The following UBASH3A variants were observed in gnomAD, a reference collection of about 807,000 sequenced individuals.
UBASH3A encodes ubiquitin-associated and SH3 domain-containing protein A.
UBASH3A carries 63 observed loss-of-function variants against 73.5 expected under a neutral mutation model. That is an observed-to-expected ratio of 0.86 (90% CI 0.70 to 1.06). The LOEUF (loss-of-function observed/expected upper bound fraction) is 1.06. Among genes scored for constraint, UBASH3A ranks in the 50% least tolerant of loss-of-function variants. UBASH3A has a pLI of 0.00. For synonymous variants in UBASH3A, 363 were observed against 351.1 expected (o/e 1.03, Z -0.38); for missense variants, 860 against 859.0 (o/e 1.00, Z -0.02).
At chr21:42,408,947 A>G (rs987140003) in intron 2 of UBASH3A, among the ~76,000 whole-genome samples, 1 of 149,768 alleles carries the variant, frequency 6.7e-6, no homozygotes, top group African/African-American at 2.4e-5. Context: ...ATAAAATAAA[A>G]TAAAAACTGT....
rs367938993 is a variant in UBASH3A at position 42,421,705 on chromosome 21, G to C, written c.1046+3096G>C. Reference sequence around the variant, plus strand: ...AAAATTGTGACGTTTTATTTGAGTAGTCATTAAAAGCTGCTTAAAAATTGT... The same window carrying C: ...AAAATTGTGACGTTTTATTTGAGTACTCATTAAAAGCTGCTTAAAAATTGT... On this transcript the variant is annotated intron_variant, in intron 7 of 14. Transcript: ENST00000319294. 2.0e-5 allele frequency among the ~76,000 whole-genome samples: 3 copies of C among 152,316 alleles called. 1 individual carries two copies. The highest frequency in any genetic ancestry group is 1.9e-4 in the East Asian group (1 of 5,188).
intron 2 of UBASH3A, among the ~76,000 whole-genome samples, chr21:42,408,625 A>C (rs2053025317): frequency 6.6e-6 from 1 of 152,120 alleles, no homozygotes; most frequent in African/African-American, 2.4e-5. Context: ...TTATTGAAAA[A>C]ATCTTTGTGA....
At chr21:42,441,158 C>T (rs557959869) in intron 11 of UBASH3A, among the ~76,000 whole-genome samples, 2 of 152,272 alleles carry the variant, frequency 1.3e-5, no homozygotes, top group East Asian at 3.9e-4. Context: ...GTCTTCTTTA[C>T]AAGGCCTCAG....
intron 11 of UBASH3A, among the ~76,000 whole-genome samples, chr21:42,439,653 CCA>C (rs2053693793): frequency 6.6e-6 from 1 of 150,948 alleles, no homozygotes; most frequent in Non-Finnish European, 1.5e-5. Context: ...GCACACACAT[CCA>C]CACACACCAC....
chr21:42,444,468 A>AC, intron 13 of UBASH3A, 66 bp from the exon 14 acceptor site: 1 of 1,222,356 alleles, frequency 8.2e-7, no homozygotes, highest in East Asian at 2.3e-5. Flanking sequence ...CACTTTGGGG[A>AC]CCCCAGTCTA....
Position 42,426,725 on chromosome 21 carries a change from C to T in UBASH3A, c.1075C>T (p.Leu359=), listed in dbSNP as rs1336348370. Residue 359 remains leucine (L), a synonymous_variant, in exon 8 of 15, where the codon CTG becomes TTG. Transcript: ENST00000319294. ...GTACACCTTCAGTCTAGCCACAGAC[C>T]TGAACTCCAGAAAGGATGGTGAAGC... is the stretch of plus-strand genomic sequence containing the variant. The part of the protein sequence containing the change: ...RMYTFSLATD[L]NSRKDGEASS... 2 of 1,614,066 alleles carry T rather than the reference C, an allele frequency of 1.2e-6. No individual in the cohort carries two copies. The highest frequency in any genetic ancestry group is 1.7e-5 in the Admixed American group (1 of 60,022).
At chr21:42,441,752 C>T (rs1044290611) in intron 11 of UBASH3A, among the ~76,000 whole-genome samples, 4 of 152,164 alleles carry the variant, frequency 2.6e-5, no homozygotes, top group Non-Finnish European at 4.4e-5. Context: ...TCTAAGCATG[C>T]TTGATGAAAG....
At chr21:42,434,431 A>G (rs140427248) in intron 9 of UBASH3A, among the ~76,000 whole-genome samples, 165 of 152,358 alleles carry the variant, frequency 1.1e-3, no homozygotes, top group African/African-American at 3.8e-3. Context: ...CCCCTGAGCA[A>G]GAAGGATACG....
chr21:42,414,209 T>G (rs1179546822), intron 5 of UBASH3A, among the ~76,000 whole-genome samples: 2 of 152,206 alleles, frequency 1.3e-5, no homozygotes, highest in Non-Finnish European at 2.9e-5. Flanking sequence ...TCTGGGAGCG[T>G]GTCTGTCTGT....
intron 8 of UBASH3A, among the ~76,000 whole-genome samples, chr21:42,428,320 C>T (rs960941613): frequency 6.6e-6 from 1 of 152,174 alleles, no homozygotes; most frequent in African/African-American, 2.4e-5. Context: ...CTTGGCAGGT[C>T]TTTGCAGCCT....
rs2053048202 is a variant in UBASH3A at position 42,409,523 on chromosome 21, A to G, written c.269A>G (p.Glu90Gly). The change falls in exon 3 of 15, where the codon GAG becomes GGG. Residue 90 changes from glutamate (E) to glycine (G), a missense_variant. Glu to Gly is a moderately conservative substitution (Grantham distance 98). Transcript: ENST00000319294. ...PTGPLLEKLQ[E>G]FWRESKRQCA... ...GGGCCCCTGCTGGAAAAACTTCAAG[A>G]GTTCTGGAGAGAGAGCAAGCGCCAG... 1 of 1,613,896 alleles carries G rather than the reference A, an allele frequency of 6.2e-7. No individual in the cohort carries two copies. The highest frequency in any genetic ancestry group is 1.3e-5 in the African/African-American group (1 of 74,858).
Position 42,442,461 on chromosome 21 carries a change from T to C in UBASH3A, c.1496T>C (p.Leu499Pro). The C allele has an allele frequency of 6.2e-7, 1 of 1,613,534 alleles. No homozygotes were observed. The highest frequency in any genetic ancestry group is 8.5e-7 in the Non-Finnish European group (1 of 1,179,876). Residue 499 changes from leucine (L) to proline (P), a missense_variant, in exon 12 of 15, where the codon CTG (leucine) becomes CCG (proline). Coordinates refer to ENST00000319294, the MANE Select transcript of UBASH3A (RefSeq NM_018961.4). The stretch of plus-strand genomic sequence containing the variant: ...ATTCTGTTGAATCCAGAACTCAAAC[T>C]GGAGAAAAAAATCAAGATACGAGTG... ...TAKLILEELK[L>P]EKKIKIRVEP...
chr21:42,427,390 C>T (rs2053456573), intron 8 of UBASH3A, among the ~76,000 whole-genome samples: 1 of 152,188 alleles, frequency 6.6e-6, no homozygotes, highest in Non-Finnish European at 1.5e-5. Context: ...CAGAGGAGCC[C>T]TCAGGAAGGG....
chr21:42,442,666 T>A, intron 12 of UBASH3A, 70 bp downstream of exon 12: 2 of 1,511,204 alleles, frequency 1.3e-6, no homozygotes, highest in Non-Finnish European at 1.8e-6. Flanking sequence ...TTCATGACAC[T>A]GTTAAAATGG....
chr21:42,418,496 C>A lies in UBASH3A; in HGVS notation c.933C>A (p.Asp311Glu), dbSNP rs749658882. 6.2e-7 allele frequency: 1 copy of A among 1,614,110 alleles called. No individual in the cohort carries two copies. The highest frequency in any genetic ancestry group is 1.7e-5 in the Admixed American group (1 of 60,012). The change falls in exon 7 of 15, where the codon GAC becomes GAA. Residue 311 changes from aspartate (D) to glutamate (E), a missense_variant. Coordinates refer to ENST00000319294, the MANE Select transcript of UBASH3A (RefSeq NM_018961.4). ...TCTTTGTGGACCCCACGCAGCAGGA[C>A]GAAGCCAGCGAGGGCTGGGTGATTG... ...DYIFVDPTQQ[D>E]EASEGWVIGI...
intron 11 of UBASH3A, among the ~76,000 whole-genome samples, chr21:42,439,371 G>A (rs985446295): frequency 4.6e-5 from 7 of 152,020 alleles, no homozygotes; most frequent in Non-Finnish European, 8.8e-5. Flanking sequence ...CCCTCTGCAC[G>A]GCATCTCGGG....
chr21:42,418,072 C>T (rs1304725039), intron 6 of UBASH3A, among the ~76,000 whole-genome samples: 5 of 151,778 alleles, frequency 3.3e-5, no homozygotes, highest in African/African-American at 9.7e-5. Context: ...TCAGTAGAGA[C>T]GGGGTTTCAC....
intron 3 of UBASH3A, chr21:42,410,106 CCT>C (rs1874348489): frequency 2.8e-6 from 2 of 702,332 alleles, no homozygotes; most frequent in South Asian, 3.0e-5. Flanking sequence ...AGAACTTTTC[CCT>C]GTCTCAGGGA....
intron 8 of UBASH3A, among the ~76,000 whole-genome samples, chr21:42,428,459 A>G (rs931868665): frequency 4.6e-5 from 7 of 152,102 alleles, no homozygotes; most frequent in African/African-American, 1.7e-4. Context: ...GAGACTCCCC[A>G]GGGCTGTGGC....
Sources: allele counts gnomAD v4.1 joint callset (sites outside exome capture counted in the v4.1 genomes callset), GRCh38; gene constraint gnomAD v4.1.1; transcripts MANE v1.5; gene names NCBI Gene and HGNC (gene_info 2026-07-23, HGNC 2026-07-21).